GOLGA8H: variants seen among roughly 807,000 people sequenced by gnomAD.
The protein encoded by GOLGA8H is golgin subfamily A member 8H.
Under a neutral mutation model 82.7 loss-of-function variants are expected in GOLGA8H, and 47 were observed. The ratio of observed to expected loss-of-function variants is 0.57; its 90% CI spans 0.45 to 0.73. The LOEUF (loss-of-function observed/expected upper bound fraction) is 0.73. Among genes scored for constraint, GOLGA8H ranks in the 30% least tolerant of loss-of-function variants. The probability of loss-of-function intolerance (pLI) is 0.00; values close to 1 mark genes in which losing one functional copy is unlikely to be tolerated. For missense variants in GOLGA8H, 372 were observed against 661.0 expected (o/e 0.56, Z 4.79); for synonymous variants, 108 against 241.6 (o/e 0.45, Z 5.13).
At position 30,604,297 on chromosome 15, in the gene GOLGA8H, C is replaced by T. The variant is rs920378793; in HGVS notation, c.48+124C>T. 147 of 1,513,268 alleles carry T rather than the reference C, an allele frequency of 9.7e-5. 1 individual carries two copies. Among genetic ancestry groups the T allele is most frequent in the Non-Finnish European group, 1.2e-4 (141 of 1,133,756 alleles). The allele number at this position is 1,513,268 out of a possible 1,614,324, so 93.7% of individuals were successfully genotyped here. A position where few individuals can be genotyped will look rare whatever the true frequency, so the allele number is the denominator to read the frequency against. On this transcript the variant is annotated intron_variant, in intron 1 of 18. Transcript: ENST00000566740. Reference sequence around the variant, plus strand: ...ACTGGTCCCCCCTACCCCGGTGCCTCTGGGCTACCCCCATCAAAGTTTTGT... The same window carrying T: ...ACTGGTCCCCCCTACCCCGGTGCCTTTGGGCTACCCCCATCAAAGTTTTGT...
In GOLGA8H at chr15:30,608,552, G is replaced by A. The variant is rs1225202007; in HGVS notation, c.481+1G>A. 3 of 1,609,886 alleles carry A rather than the reference G, an allele frequency of 1.9e-6. No homozygotes were observed. Among genetic ancestry groups the A allele is most frequent in the East Asian group, 2.2e-5 (1 of 44,792 alleles). ...AAACGTTCTCTCAGATACTTTGAAG[G>A]TGGGAATCTGGGCACCCTGTCATCC... is the stretch of plus-strand genomic sequence containing the variant. On this transcript the variant is annotated splice_donor_variant, in intron 7 of 18. Transcript: ENST00000566740. LOFTEE classifies it high-confidence loss of function.
rs2060102598 is a variant in GOLGA8H at position 30,616,099 on chromosome 15, A to C, written c.*1538A>C. Among the ~76,000 whole-genome samples the C allele has an allele frequency of 6.6e-6, 1 of 151,960 alleles. No individual in the cohort carries two copies. Among genetic ancestry groups the C allele is most frequent in the African/African-American group, 2.4e-5 (1 of 41,372 alleles). ...CTGTTCGGGACATATTTTGTGCGAT[A>C]TTTATGTGATTGTGCCTATGCATGA... On this transcript the variant is annotated 3_prime_UTR_variant, in exon 19 of 19. Coordinates refer to ENST00000566740, the MANE Select transcript of GOLGA8H (RefSeq NM_001282490.2).
rs2059949875 is a variant in GOLGA8H, at chr15:30,608,013, T to G, written c.310-17T>G. The G allele has an allele frequency of 3.1e-6, 5 of 1,591,224 alleles. No individual in the cohort carries two copies. The East Asian group carries it at 1.1e-4, about 36-fold the overall frequency. On this transcript the variant is annotated splice_polypyrimidine_tract_variant and intron_variant, in intron 4 of 18. Coordinates refer to ENST00000566740, the MANE Select transcript of GOLGA8H (RefSeq NM_001282490.2). ...GAGGGGGCCACCCTCCATCACCTTA[T>G]TTGACTCTCCCCACAGAAACAACAG...
intron 8 of GOLGA8H, among the ~76,000 whole-genome samples, chr15:30,609,019 G>C (rs1300703507): frequency 7.4e-6 from 1 of 135,100 alleles, no homozygotes; most frequent in Admixed American, 7.2e-5. Context: ...CTGTGGTCTT[G>C]AGCAAGTCCT....
rs2059892975 is a variant in GOLGA8H, at chr15:30,604,051, G to A, written c.-75G>A. 4 of 1,517,484 alleles carry A rather than the reference G, an allele frequency of 2.6e-6. No homozygotes were observed. The highest frequency in any genetic ancestry group is 3.6e-6 in the Non-Finnish European group (4 of 1,118,346). 94.0% of individuals were successfully genotyped at this position (1,517,484 alleles called of 1,614,324 possible). A position where few individuals can be genotyped will look rare whatever the true frequency, so the allele number is the denominator to read the frequency against. On this transcript the variant is annotated 5_prime_UTR_variant, in exon 1 of 19. Coordinates refer to ENST00000566740, the MANE Select transcript of GOLGA8H (RefSeq NM_001282490.2). ...TCACTCACACAGCTGCCTGGTAGGT[G>A]ACTGGAGGCCTTGATTGGTTCTCAT...
intron 2 of GOLGA8H, 140 bp downstream of exon 2, chr15:30,606,102 C>G (rs1234626349): frequency 7.7e-6 from 11 of 1,437,188 alleles, no homozygotes; most frequent in African/African-American, 1.4e-5. Flanking sequence ...CGCCTGTAAT[C>G]CTAGCACTTT....
chr15:30,609,698 C>A lies in GOLGA8H; in HGVS notation c.592-108C>A, dbSNP rs1225246880. 2.2e-5 allele frequency: 32 copies of A among 1,464,270 alleles called. No individual in the cohort carries two copies. The East Asian group carries it at 3.3e-4, about 15-fold the overall frequency. The allele number at this position is 1,464,270 out of a possible 1,614,324, so 90.7% of individuals were successfully genotyped here. ...ACCACGGGCTTGGAAATGCCTTGAT[C>A]TTTACTGACTGAGTTGTATATTGGG... On this transcript the variant is annotated intron_variant, in intron 8 of 18. Coordinates refer to ENST00000566740, the MANE Select transcript of GOLGA8H (RefSeq NM_001282490.2).
At chr15:30,611,484 G>A in intron 13 of GOLGA8H, 138 bp downstream of exon 13, 2 of 1,531,602 alleles carry the variant, frequency 1.3e-6, no homozygotes, top group Non-Finnish European at 8.8e-7. Context: ...GGGCAGTCCT[G>A]TGACTGTTTC....
chr15:30,612,542 T>C lies in GOLGA8H; in HGVS notation c.1201-55T>C. On this transcript the variant is annotated intron_variant, in intron 13 of 18. Coordinates refer to ENST00000566740, the MANE Select transcript of GOLGA8H (RefSeq NM_001282490.2). ...GAGGGAGCTGCTGAGGATGGGGCTGTGAGGGGGACGACCTGGCAAACTCCA... is the reference window on the plus strand; with the variant it reads ...GAGGGAGCTGCTGAGGATGGGGCTGCGAGGGGGACGACCTGGCAAACTCCA... 3 of 1,567,442 alleles carry C rather than the reference T, an allele frequency of 1.9e-6. No homozygotes were observed. In the South Asian group the frequency reaches 3.4e-5, roughly 18 times the overall value.
chr15:30,608,221 G>A, intron 5 of GOLGA8H, 110 bp from the exon 6 acceptor site: 2 of 1,168,092 alleles, frequency 1.7e-6, no homozygotes, highest in Non-Finnish European at 2.5e-6. Flanking sequence ...TGATAACCTG[G>A]TCCCATGGGT....
chr15:30,606,427 C>T lies in GOLGA8H; in HGVS notation c.169-428C>T, dbSNP rs62018322. 2.7e-5 allele frequency among the ~76,000 whole-genome samples: 4 copies of T among 150,292 alleles called. No homozygotes were observed. The South Asian group carries it at 8.4e-4, about 31-fold the overall frequency. ...GCTCTGCTAGGGATATGATTTAGGG[C>T]AAGTTGCTAGACCTCATCGGGCCTC... On this transcript the variant is annotated intron_variant, in intron 2 of 18. Transcript: ENST00000566740.
chr15:30,610,563 C>T (rs1179481166), intron 11 of GOLGA8H, among the ~76,000 whole-genome samples, 174 bp downstream of exon 11: 6 of 149,592 alleles, frequency 4.0e-5, no homozygotes, highest in Non-Finnish European at 8.9e-5. Context: ...GTCTCAGTGT[C>T]CCCATCAGGA....
intron 4 of GOLGA8H, chr15:30,607,762 C>G: frequency 1.7e-6 from 1 of 601,266 alleles, no homozygotes; most frequent in Non-Finnish European, 2.9e-6. Flanking sequence ...AGGGGCCTTT[C>G]TGAAACTCCA....
chr15:30,605,696 C>T, intron 1 of GOLGA8H, 147 bp from the exon 2 acceptor site: 1 of 1,372,468 alleles, frequency 7.3e-7, no homozygotes, highest in Non-Finnish European at 9.7e-7. Context: ...CCTTCTCAGT[C>T]ACTAAATGAG....
chr15:30,610,491 G>A, intron 11 of GOLGA8H, 102 bp downstream of exon 11: 1 of 599,998 alleles, frequency 1.7e-6, no homozygotes. Flanking sequence ...AGGGCTTTGA[G>A]GCAGAGGGAA....
intron 4 of GOLGA8H, 51 bp from the exon 5 acceptor site, chr15:30,607,979 A>G: frequency 6.3e-7 from 1 of 1,595,800 alleles, no homozygotes; most frequent in Non-Finnish European, 8.5e-7. Flanking sequence ...TGGTCTGGGG[A>G]ATAGAGTTGA....
At position 30,615,500 on chromosome 15, in the gene GOLGA8H, A is replaced by G. The variant is rs1416643745; in HGVS notation, c.*939A>G. On this transcript the variant is annotated 3_prime_UTR_variant, in exon 19 of 19. Coordinates refer to ENST00000566740, the MANE Select transcript of GOLGA8H (RefSeq NM_001282490.2). ...GTCAGAGTTCATGTTACCTGTTTTA[A>G]TCACATGACTACATGTCCCAGTACA... is the stretch of plus-strand genomic sequence containing the variant. Among the ~76,000 whole-genome samples, 1 of 151,234 alleles carries G rather than the reference A, an allele frequency of 6.6e-6. No homozygotes were observed. Among genetic ancestry groups the G allele is most frequent in the Non-Finnish European group, 1.5e-5 (1 of 67,806 alleles).
chr15:30,610,551 G>A (rs1270968714), intron 11 of GOLGA8H, among the ~76,000 whole-genome samples, 162 bp downstream of exon 11: 1 of 149,534 alleles, frequency 6.7e-6, no homozygotes, highest in Non-Finnish European at 1.5e-5. Context: ...ATGAGTCTCA[G>A]TGTCTCAGTG....
rs201977336 is a variant in GOLGA8H at position 30,610,044 on chromosome 15, G to T, written c.724G>T (p.Ala242Ser). The T allele has an allele frequency of 1.7e-4, 268 of 1,609,664 alleles. 8 individuals carry two copies. The highest frequency in any genetic ancestry group is 4.9e-4 in the East Asian group (22 of 44,588). Residue 242 changes from alanine to serine, a missense_variant, in exon 10 of 19, where the codon GCT (alanine) becomes TCT (serine). Ala to Ser is a moderately conservative substitution (Grantham distance 99). Transcript: ENST00000566740. Reference protein sequence around the residue: ...QQVQLERDECAEHLKGERARW... With the variant: ...QQVQLERDECSEHLKGERARW... ...AGTCCAATTAGAAAGAGATGAGTGT[G>T]CTGAACATCTAAAAGGAGAGAGGGC...
Sources: allele counts gnomAD v4.1 joint callset (sites outside exome capture counted in the v4.1 genomes callset), GRCh38; gene constraint gnomAD v4.1.1; transcripts MANE v1.5; gene names NCBI Gene and HGNC (gene_info 2026-07-23, HGNC 2026-07-21).